ZFP1: variants seen among roughly 807,000 people sequenced by gnomAD.
ZFP1 encodes zinc finger protein 1 homolog.
ZFP1 carries 32 observed loss-of-function variants against 38.5 expected under a neutral mutation model. That is an observed-to-expected ratio of 0.83 (90% CI 0.63 to 1.12). ZFP1 has a LOEUF of 1.12. Ranked by LOEUF, ZFP1 falls within the 50% of genes most tolerant of loss-of-function variation. The probability of loss-of-function intolerance (pLI) is 0.00; values close to 1 mark genes in which losing one functional copy is unlikely to be tolerated. For synonymous variants in ZFP1, 245 were observed against 168.8 expected (o/e 1.45, Z -3.50); for missense variants, 616 against 480.8 (o/e 1.28, Z -2.63).
At chr16:75,164,075 T>C (rs1567535505) in intron 2 of ZFP1, among the ~76,000 whole-genome samples, 1 of 152,210 alleles carries the variant, frequency 6.6e-6, no homozygotes, top group Non-Finnish European at 1.5e-5. Flanking sequence ...GTTATGTGCA[T>C]TTTTTGGAAT....
At chr16:75,148,187 C>CTTTCT (rs375164617), upstream of ZFP1, among the ~76,000 whole-genome samples, 438 of 152,248 alleles carry the variant, frequency 2.9e-3, 2 homozygotes, top group African/African-American at 9.8e-3. Flanking sequence ...ATTATGGATA[C>CTTTCT]TTTATTTTGT....
intron 2 of ZFP1, among the ~76,000 whole-genome samples, chr16:75,154,101 G>A (rs1388904336): frequency 1.3e-5 from 2 of 152,186 alleles, no homozygotes; most frequent in South Asian, 2.1e-4. Context: ...GCGGGCGCCT[G>A]TAGTCCCAGC....
At chr16:75,158,321 C>T (rs756937237) in intron 2 of ZFP1, among the ~76,000 whole-genome samples, 2 of 151,218 alleles carry the variant, frequency 1.3e-5, no homozygotes, top group Non-Finnish European at 2.9e-5. Flanking sequence ...CTTGATCCAG[C>T]CTATTTCTGT....
the ZFP1 span, among the ~76,000 whole-genome samples, chr16:75,124,807 G>A: frequency 2.3e-5 from 3 of 131,234 alleles, no homozygotes; most frequent in African/African-American, 5.6e-5. Flanking sequence ...AAAAAAGCAA[G>A]GTAAAAGGAA....
At position 75,169,755 on chromosome 16, in the gene ZFP1, T is replaced by G; in HGVS notation, c.645T>G (p.Asn215Lys). 1 of 1,613,324 alleles carries G rather than the reference T, an allele frequency of 6.2e-7. No homozygotes were observed. Among genetic ancestry groups the G allele is most frequent in the Non-Finnish European group, 8.5e-7 (1 of 1,179,702 alleles). Residue 215 changes from asparagine (N) to lysine (K), a missense_variant, in exon 4 of 4, where the codon AAT becomes AAG. Transcript: ENST00000570010. Reference protein sequence around the residue: ...IHTGEKPYECNVCKKTFSHKA... With the variant: ...IHTGEKPYECKVCKKTFSHKA... ...CTGGAGAAAAGCCATATGAATGCAA[T>G]GTATGTAAGAAAACCTTCTCCCATA...
Position 75,169,989 on chromosome 16 carries a change from G to A in ZFP1, c.879G>A (p.Glu293=), listed in dbSNP as rs759342899. The A allele has an allele frequency of 6.2e-7, 1 of 1,614,158 alleles. No individual in the cohort carries two copies. The highest frequency in any genetic ancestry group is 8.5e-7 in the Non-Finnish European group (1 of 1,180,026). ...LTTHQRIHTG[E]RPYECNECAK... ...CACACCAGAGAATTCATACAGGAGAGCGACCCTATGAGTGTAACGAATGTG... is the reference window on the plus strand; with the variant it reads ...CACACCAGAGAATTCATACAGGAGAACGACCCTATGAGTGTAACGAATGTG... Residue 293 remains glutamate (E), a synonymous_variant, in exon 4 of 4, where the codon GAG becomes GAA. Coordinates refer to ENST00000570010, the MANE Select transcript of ZFP1 (RefSeq NM_153688.4).
chr16:75,128,482 G>T, the ZFP1 span, among the ~76,000 whole-genome samples: 1 of 152,224 alleles, frequency 6.6e-6, no homozygotes, highest in African/African-American at 2.4e-5. Context: ...TAGGAAACTA[G>T]AGAGAGGAAA....
intron 3 of ZFP1, 152 bp downstream of exon 3, chr16:75,167,048 A>G (rs1422627966): frequency 7.2e-6 from 10 of 1,384,422 alleles, no homozygotes; most frequent in Non-Finnish European, 7.7e-6. Flanking sequence ...TTAAAGCTCT[A>G]TCATCTCCTT....
At chr16:75,153,670 A>G (rs2037322966) in intron 2 of ZFP1, among the ~76,000 whole-genome samples, 2 of 152,114 alleles carry the variant, frequency 1.3e-5, no homozygotes, top group African/African-American at 4.8e-5. Flanking sequence ...GCATTAATGT[A>G]TATTGTTACA....
chr16:75,165,331 C>T (rs1272181617), intron 2 of ZFP1, among the ~76,000 whole-genome samples: 1 of 152,080 alleles, frequency 6.6e-6, no homozygotes. Flanking sequence ...TTCTGACTTC[C>T]ATTGTTTTTG....
the ZFP1 span, among the ~76,000 whole-genome samples, chr16:75,139,132 G>A: frequency 6.6e-6 from 1 of 152,076 alleles, no homozygotes; most frequent in Non-Finnish European, 1.5e-5. Flanking sequence ...CACTTTGGGA[G>A]GCTGAGGTGG....
Position 75,170,220 on chromosome 16 carries a change from C to T in ZFP1, c.1110C>T (p.His370=). The stretch of plus-strand genomic sequence containing the variant: ...GCCAGAGGTCAACTCTTAGATTACA[C>T]TTGCGAATCCACACAGGAGAGAAAC... ...TFSQRSTLRL[H]LRIHTGEKPY... The change falls in exon 4 of 4, where the codon CAC becomes CAT. Residue 370 remains histidine (H), a synonymous_variant. Transcript: ENST00000570010. 5 of 1,614,184 alleles carry T rather than the reference C, an allele frequency of 3.1e-6. No individual in the cohort carries two copies. The highest frequency in any genetic ancestry group is 4.2e-6 in the Non-Finnish European group (5 of 1,180,022).
chr16:75,159,461 C>A (rs1170202928), intron 2 of ZFP1, among the ~76,000 whole-genome samples: 1 of 138,640 alleles, frequency 7.2e-6, no homozygotes, highest in Non-Finnish European at 1.5e-5. Context: ...GACTGGGGTA[C>A]AGTGACAACG....
At chr16:75,148,260 G>A (rs2036982493), upstream of ZFP1, among the ~76,000 whole-genome samples, 1 of 152,190 alleles carries the variant, frequency 6.6e-6, no homozygotes, top group South Asian at 2.1e-4. Flanking sequence ...CCAAGTTGTT[G>A]TATTTAAGGG....
At chr16:75,138,124 C>T in the ZFP1 span, among the ~76,000 whole-genome samples, 10 of 145,508 alleles carry the variant, frequency 6.9e-5, no homozygotes, top group African/African-American at 2.3e-4. Flanking sequence ...GCAACCTCCA[C>T]CTCCCGGGTT....
At chr16:75,138,615 G>A in the ZFP1 span, among the ~76,000 whole-genome samples, 1 of 152,230 alleles carries the variant, frequency 6.6e-6, no homozygotes, top group Non-Finnish European at 1.5e-5. Context: ...TCACACTGGA[G>A]TAGAGTGGGC....
chr16:75,139,387 AAAAAAAAAAC>A, the ZFP1 span, among the ~76,000 whole-genome samples: 6,993 of 143,882 alleles, frequency 0.049, 790 homozygotes, highest in African/African-American at 0.19. Context: ...AAAAAAAAAA[AAAAAAAAAAC>A]ACCGTCAGAG....
At chr16:75,152,449 C>T (rs985915082) in intron 1 of ZFP1, among the ~76,000 whole-genome samples, 2 of 152,142 alleles carry the variant, frequency 1.3e-5, no homozygotes, top group African/African-American at 4.8e-5. Context: ...CTTTTCTTAG[C>T]TCCTTTGTCT....
At chr16:75,128,108 TG>T in the ZFP1 span, among the ~76,000 whole-genome samples, 1 of 152,246 alleles carries the variant, frequency 6.6e-6, no homozygotes, top group Non-Finnish European at 1.5e-5. Flanking sequence ...ACTTCACTTA[TG>T]GAGCCAATAA....
Sources: gnomAD v4.1 joint callset for allele counts (sites outside exome capture counted in the v4.1 genomes callset) on GRCh38, gnomAD v4.1.1 for gene constraint, MANE v1.5 for transcripts, NCBI Gene and HGNC (gene_info 2026-07-23, HGNC 2026-07-21) for gene names.